Variants in MTMR7 observed in about 807,000 individuals in gnomAD.
MTMR7 encodes myotubularin related protein 7.
A neutral mutation model predicts 81.2 loss-of-function variants in MTMR7; 76 were observed. That is an observed-to-expected ratio of 0.94 (90% confidence interval 0.78 to 1.13). MTMR7 has a LOEUF of 1.13. Ranked by LOEUF, MTMR7 falls within the 50% of genes most tolerant of loss-of-function variation. The probability of loss-of-function intolerance (pLI) is 0.00; values close to 1 mark genes in which losing one functional copy is unlikely to be tolerated. For missense variants in MTMR7, 1,044 were observed against 820.0 expected (o/e 1.27, Z -3.34); for synonymous variants, 372 against 289.8 (o/e 1.28, Z -2.88).
chr8:17,379,316 C>T (rs34587681), intron 1 of MTMR7, among the ~76,000 whole-genome samples: 34,316 of 151,968 alleles, frequency 0.23, 4,072 homozygotes, highest in Non-Finnish European at 0.24. Flanking sequence ...GGGGTTTGAG[C>T]GGGCAGAAGC....
intron 5 of MTMR7, among the ~76,000 whole-genome samples, chr8:17,341,919 C>CTT (rs535163171): frequency 2.0e-5 from 3 of 147,380 alleles, no homozygotes; most frequent in Non-Finnish European, 3.0e-5. Context: ...GCTTTCCAAC[C>CTT]TTTTTTTTTT....
chr8:17,379,538 G>A (rs878878261), intron 1 of MTMR7, among the ~76,000 whole-genome samples: 11 of 152,146 alleles, frequency 7.2e-5, no homozygotes, highest in Non-Finnish European at 1.3e-4. Flanking sequence ...GATGGGGATC[G>A]CTGAGCAAAG....
intron 7 of MTMR7, among the ~76,000 whole-genome samples, chr8:17,328,909 C>T (rs1818840440): frequency 6.6e-6 from 1 of 152,126 alleles, no homozygotes; most frequent in African/African-American, 2.4e-5. Flanking sequence ...TTGAGACTTA[C>T]AAATGGAAGT....
chr8:17,370,897 G>A (rs944383209), intron 3 of MTMR7, 140 bp downstream of exon 3: 5 of 721,978 alleles, frequency 6.9e-6, no homozygotes, highest in African/African-American at 5.7e-5. Flanking sequence ...ATGATCATTC[G>A]GGCTTATCCT....
chr8:17,379,266 C>A (rs1273083437), intron 1 of MTMR7, among the ~76,000 whole-genome samples: 3 of 152,102 alleles, frequency 2.0e-5, no homozygotes, highest in African/African-American at 4.8e-5. Context: ...GGTGTCAACT[C>A]CCAGGCACTG....
intron 5 of MTMR7, among the ~76,000 whole-genome samples, chr8:17,342,108 A>G (rs919075808): frequency 2.0e-5 from 3 of 152,102 alleles, no homozygotes; most frequent in African/African-American, 4.8e-5. Flanking sequence ...TTTGGAATCA[A>G]TCTGCATTCT....
chr8:17,311,011 AC>A (rs1423827974), intron 9 of MTMR7, among the ~76,000 whole-genome samples: 1 of 152,176 alleles, frequency 6.6e-6, no homozygotes, highest in Non-Finnish European at 1.5e-5. Flanking sequence ...AAGAACAACA[AC>A]AAAAGGCTGT....
intron 1 of MTMR7, among the ~76,000 whole-genome samples, chr8:17,390,802 T>A (rs990282950): frequency 6.6e-6 from 1 of 151,996 alleles, no homozygotes; most frequent in Admixed American, 6.6e-5. Flanking sequence ...AATCATCAGC[T>A]CTCATGAGAA....
At chr8:17,311,955 C>A (rs1192767388) in intron 8 of MTMR7, 9 of 227,466 alleles carry the variant, frequency 4.0e-5, no homozygotes, top group Admixed American at 3.6e-4. Context: ...TGAGTTTCCA[C>A]ATTAAGCCTT....
intron 3 of MTMR7, among the ~76,000 whole-genome samples, chr8:17,370,697 G>C (rs548392498): frequency 6.6e-6 from 1 of 151,458 alleles, no homozygotes; most frequent in African/African-American, 2.4e-5. Context: ...GATTAGTTCT[G>C]TCACTGGCCC....
chr8:17,331,332 A>G, intron 6 of MTMR7, 50 bp from the exon 7 acceptor site: 1 of 1,529,470 alleles, frequency 6.5e-7, no homozygotes, highest in Non-Finnish European at 8.7e-7. Context: ...TGATGAAACA[A>G]TGATGAAACA....
chr8:17,310,969 A>C (rs1244276589), intron 9 of MTMR7, among the ~76,000 whole-genome samples: 1 of 152,162 alleles, frequency 6.6e-6, no homozygotes, highest in Non-Finnish European at 1.5e-5. Context: ...TAAAAAGCTC[A>C]AACTCTACAG....
chr8:17,337,580 A>G (rs182969782), intron 6 of MTMR7, among the ~76,000 whole-genome samples: 2 of 152,196 alleles, frequency 1.3e-5, no homozygotes, highest in East Asian at 3.9e-4. Context: ...TTGACATTCA[A>G]TACATGCTTG....
At chr8:17,352,881 A>T (rs529485361) in intron 4 of MTMR7, among the ~76,000 whole-genome samples, 10 of 152,300 alleles carry the variant, frequency 6.6e-5, no homozygotes, top group African/African-American at 2.4e-4. Context: ...TATGGACAAC[A>T]GCATGGAGGC....
Position 17,305,930 on chromosome 8 carries a change from T to C in MTMR7, c.1179A>G (p.Lys393=). Residue 393 remains lysine, a synonymous_variant, in exon 11 of 14, where the codon AAA becomes AAG. Coordinates refer to ENST00000180173, the MANE Select transcript of MTMR7 (RefSeq NM_004686.5). Reference sequence around the variant, plus strand: ...ACTGGTCAATAACTGGAGAGATTTCTTTTGGGTCACCATCTAGATTGCCAT... The same window carrying C: ...ACTGGTCAATAACTGGAGAGATTTCCTTTGGGTCACCATCTAGATTGCCAT... ...HRYGNLDGDP[K]EISPVIDQFI... 6.2e-7 allele frequency: 1 copy of C among 1,613,510 alleles called. No homozygotes were observed. The highest frequency in any genetic ancestry group is 8.5e-7 in the Non-Finnish European group (1 of 1,179,590).
chr8:17,333,281 T>C (rs1349622449), intron 6 of MTMR7, among the ~76,000 whole-genome samples: 2 of 152,178 alleles, frequency 1.3e-5, no homozygotes, highest in Non-Finnish European at 2.9e-5. Context: ...CAACTTATGT[T>C]CACACTTTAA....
chr8:17,332,021 G>A (rs914593611), intron 6 of MTMR7, among the ~76,000 whole-genome samples: 3 of 151,984 alleles, frequency 2.0e-5, no homozygotes, highest in African/African-American at 2.4e-5. Flanking sequence ...CCTAGCCTGC[G>A]TGGCTAAAAT....
At chr8:17,406,764 C>A (rs569962779) in intron 1 of MTMR7, among the ~76,000 whole-genome samples, 1 of 152,190 alleles carries the variant, frequency 6.6e-6, no homozygotes, top group East Asian at 1.9e-4. Flanking sequence ...AAACAAAATG[C>A]AGGATTAGCC....
chr8:17,359,409 G>A (rs1819994774), intron 4 of MTMR7, among the ~76,000 whole-genome samples: 1 of 151,814 alleles, frequency 6.6e-6, no homozygotes, highest in African/African-American at 2.4e-5. Flanking sequence ...ACCAGCCTGA[G>A]CAACATGGGG....
Sources: allele counts gnomAD v4.1 joint callset (sites outside exome capture counted in the v4.1 genomes callset), GRCh38; gene constraint gnomAD v4.1.1; transcripts MANE v1.5; gene names NCBI Gene and HGNC (gene_info 2026-07-23, HGNC 2026-07-21).